Variants in GOLPH3 observed in about 807,000 individuals in gnomAD.
GOLPH3 encodes the protein golgi phosphoprotein 3.
A neutral mutation model predicts 28.5 loss-of-function variants in GOLPH3; 14 were observed. That is an observed-to-expected ratio of 0.49 (90% CI 0.32 to 0.77). GOLPH3 has a LOEUF of 0.77. Ranked by LOEUF, GOLPH3 falls within the 30% of genes least tolerant of loss-of-function variation. The pLI is 0.03. For synonymous variants in GOLPH3, 158 were observed against 159.2 expected, an observed-to-expected ratio of 0.99 and a Z score of 0.06; for missense variants, 350 against 393.7, an observed-to-expected ratio of 0.89 and a Z score of 0.94.
At chr5:32,155,377 G>C (rs1001271618) in intron 1 of GOLPH3, among the ~76,000 whole-genome samples, 2 of 151,918 alleles carry the variant, frequency 1.3e-5, no homozygotes, top group Non-Finnish European at 2.9e-5. Flanking sequence ...TTAGCAATGG[G>C]ATCTCACTAC....
At chr5:32,150,383 T>C (rs1414138360) in intron 1 of GOLPH3, among the ~76,000 whole-genome samples, 2 of 149,614 alleles carry the variant, frequency 1.3e-5, no homozygotes, top group Non-Finnish European at 3.0e-5. Context: ...CAACAGATTT[T>C]CCCTGGAGCT....
chr5:32,157,308 G>A (rs1007214354), intron 1 of GOLPH3, among the ~76,000 whole-genome samples: 2 of 151,998 alleles, frequency 1.3e-5, no homozygotes, highest in African/African-American at 2.4e-5. Flanking sequence ...AGTCTCCTCC[G>A]TTCTTTCCCT....
chr5:32,162,341 AT>A (rs1248289733), intron 1 of GOLPH3, among the ~76,000 whole-genome samples: 5 of 149,680 alleles, frequency 3.3e-5, no homozygotes, highest in African/African-American at 1.3e-4. Context: ...AAATACAAAA[AT>A]TTAGCCAGGC....
chr5:32,172,841 A>G (rs760750621), intron 1 of GOLPH3, among the ~76,000 whole-genome samples: 6 of 152,248 alleles, frequency 3.9e-5, no homozygotes, highest in Non-Finnish European at 8.8e-5. Context: ...AGCCTGGGCA[A>G]CAAGAGCGAA....
At chr5:32,170,259 T>C (rs1746802330) in intron 1 of GOLPH3, among the ~76,000 whole-genome samples, 1 of 152,204 alleles carries the variant, frequency 6.6e-6, no homozygotes, top group Non-Finnish European at 1.5e-5. Flanking sequence ...TGAATTCTAA[T>C]ATTAAGCCAG....
intron 2 of GOLPH3, among the ~76,000 whole-genome samples, chr5:32,139,892 G>A (rs369292195): frequency 5.9e-5 from 9 of 152,136 alleles, no homozygotes; most frequent in African/African-American, 1.9e-4. Context: ...AACAAACTAC[G>A]ATTTTTAAAA....
At chr5:32,159,236 T>C (rs1383740556) in intron 1 of GOLPH3, among the ~76,000 whole-genome samples, 3 of 152,242 alleles carry the variant, frequency 2.0e-5, no homozygotes, top group Admixed American at 2.0e-4. Context: ...TTTGGAATAT[T>C]TGCAAATACA....
At chr5:32,152,132 T>C (rs557673428) in intron 1 of GOLPH3, among the ~76,000 whole-genome samples, 2 of 152,128 alleles carry the variant, frequency 1.3e-5, no homozygotes, top group Admixed American at 6.5e-5. Context: ...TTTACCTTTT[T>C]TTTTTTCTTT....
intron 1 of GOLPH3, among the ~76,000 whole-genome samples, chr5:32,156,899 G>A (rs1746443282): frequency 6.6e-6 from 1 of 152,158 alleles, no homozygotes; most frequent in Non-Finnish European, 1.5e-5. Context: ...GAGATCCTTG[G>A]TCTATGGTAT....
chr5:32,130,546 C>T (rs768509800), intron 3 of GOLPH3, among the ~76,000 whole-genome samples: 1 of 152,108 alleles, frequency 6.6e-6, no homozygotes, highest in Non-Finnish European at 1.5e-5. Context: ...ATTTTACCTT[C>T]CCAAGTCAAA....
intron 1 of GOLPH3, among the ~76,000 whole-genome samples, chr5:32,156,241 T>A (rs759970474): frequency 1.9e-4 from 29 of 152,088 alleles, no homozygotes; most frequent in Non-Finnish European, 4.1e-4. Flanking sequence ...CTCATGCCTG[T>A]AATCCCAGCA....
intron 1 of GOLPH3, among the ~76,000 whole-genome samples, chr5:32,150,898 C>T (rs1024346392): frequency 2.0e-5 from 3 of 152,128 alleles, no homozygotes; most frequent in Admixed American, 2.0e-4. Flanking sequence ...ACATTTTAAA[C>T]AAACGTGTTG....
At chr5:32,148,807 A>C (rs55855394) in intron 1 of GOLPH3, among the ~76,000 whole-genome samples, 2,119 of 152,076 alleles carry the variant, frequency 0.014, 48 homozygotes, top group African/African-American at 0.048. Context: ...AAAAAAAATA[A>C]AAAATACAAA....
At chr5:32,147,162 C>G (rs963606691) in intron 1 of GOLPH3, among the ~76,000 whole-genome samples, 1 of 151,734 alleles carries the variant, frequency 6.6e-6, no homozygotes, top group Non-Finnish European at 1.5e-5. Context: ...ATACTGTGCA[C>G]AAAAATATAT....
intron 1 of GOLPH3, among the ~76,000 whole-genome samples, chr5:32,159,482 TG>T (rs1746527824): frequency 6.6e-6 from 1 of 152,222 alleles, no homozygotes; most frequent in African/African-American, 2.4e-5. Context: ...GGTGCTTGAC[TG>T]GTATCACTTT....
intron 3 of GOLPH3, among the ~76,000 whole-genome samples, chr5:32,133,260 A>T (rs1434410905): frequency 6.6e-6 from 1 of 152,212 alleles, no homozygotes; most frequent in Non-Finnish European, 1.5e-5. Flanking sequence ...TTATATTGAT[A>T]AGCTTCATTT....
chr5:32,144,205 C>G (rs1425202460), intron 1 of GOLPH3, among the ~76,000 whole-genome samples: 1 of 152,136 alleles, frequency 6.6e-6, no homozygotes, highest in Non-Finnish European at 1.5e-5. Context: ...ACTCAGTTAA[C>G]CCCAGATTAT....
At chr5:32,142,381 T>C (rs1312088622) in intron 2 of GOLPH3, among the ~76,000 whole-genome samples, 1 of 137,576 alleles carries the variant, frequency 7.3e-6, no homozygotes. Flanking sequence ...CCGCCCCGTC[T>C]GAGAAGTGAG....
chr5:32,163,790 T>C (rs190233191), intron 1 of GOLPH3, among the ~76,000 whole-genome samples: 37 of 152,284 alleles, frequency 2.4e-4, no homozygotes, highest in African/African-American at 8.2e-4. Context: ...TAATTTCACT[T>C]TAGCTACACA....
Sources: allele counts gnomAD v4.1 joint callset (sites outside exome capture counted in the v4.1 genomes callset), GRCh38; gene constraint gnomAD v4.1.1; transcripts MANE v1.5; gene names NCBI Gene and HGNC (gene_info 2026-07-23, HGNC 2026-07-21).